SH3PXD2B: variants seen among roughly 807,000 people sequenced by gnomAD.
SH3PXD2B encodes SH3 and PX domain-containing protein 2B.
In SH3PXD2B, 37 loss-of-function variants were observed where a neutral mutation model predicts 73.1. The observed-to-expected ratio is 0.51, with a 90% confidence interval of 0.39 to 0.67. The LOEUF is 0.67. Ranked by LOEUF, SH3PXD2B falls within the 30% of genes least tolerant of loss-of-function variation. The probability of loss-of-function intolerance (pLI) is 0.00; values close to 1 mark genes in which losing one functional copy is unlikely to be tolerated. For synonymous variants in SH3PXD2B, 457 were observed against 480.5 expected, an observed-to-expected ratio of 0.95 and a Z score of 0.64; for missense variants, 1,053 against 1,197.8, an observed-to-expected ratio of 0.88 and a Z score of 1.78.
chr5:172,392,056 T>G (rs1257696469), intron 4 of SH3PXD2B, among the ~76,000 whole-genome samples: 1 of 152,014 alleles, frequency 6.6e-6, no homozygotes. Context: ...TTTTTTTTTT[T>G]GCATATGTAT....
chr5:172,391,232 G>T (rs1166363870), intron 4 of SH3PXD2B, among the ~76,000 whole-genome samples: 1 of 152,062 alleles, frequency 6.6e-6, no homozygotes, highest in Non-Finnish European at 1.5e-5. Flanking sequence ...AACTCTAGTG[G>T]CTGTATAAGT....
intron 1 of SH3PXD2B, among the ~76,000 whole-genome samples, chr5:172,439,013 C>G (rs1357884159): frequency 6.6e-6 from 1 of 150,390 alleles, no homozygotes; most frequent in Admixed American, 6.7e-5. Flanking sequence ...CCAAGGCGGG[C>G]AGATCACCTG....
At chr5:172,348,702 TC>T (rs1757080959) in intron 10 of SH3PXD2B, among the ~76,000 whole-genome samples, 2 of 38,322 alleles carry the variant, frequency 5.2e-5, no homozygotes, top group East Asian at 1.8e-3. Flanking sequence ...TATCTATCTA[TC>T]TATCTATTTA....
chr5:172,347,850 A>G (rs1199071291), intron 10 of SH3PXD2B, among the ~76,000 whole-genome samples: 2 of 152,210 alleles, frequency 1.3e-5, no homozygotes, highest in South Asian at 4.1e-4. Context: ...GTGCTCTAGA[A>G]CAACCCAAAC....
At chr5:172,364,595 G>A (rs533867078) in intron 6 of SH3PXD2B, among the ~76,000 whole-genome samples, 2 of 152,286 alleles carry the variant, frequency 1.3e-5, no homozygotes, top group Non-Finnish European at 1.5e-5. Context: ...AACCCGGGAG[G>A]CAGAGGTTGC....
At chr5:172,378,529 G>A (rs1262717746) in intron 5 of SH3PXD2B, among the ~76,000 whole-genome samples, 1 of 152,202 alleles carries the variant, frequency 6.6e-6, no homozygotes, top group African/African-American at 2.4e-5. Context: ...AAGAAAATCT[G>A]GCTATCATTG....
chr5:172,328,503 TAG>T (rs1193264396), downstream of SH3PXD2B, among the ~76,000 whole-genome samples: 1 of 152,114 alleles, frequency 6.6e-6, no homozygotes, highest in Non-Finnish European at 1.5e-5. Flanking sequence ...CCATCCTCAG[TAG>T]ACAGTTTTTA....
At chr5:172,454,063 G>C (rs1180170571) in intron 1 of SH3PXD2B, among the ~76,000 whole-genome samples, 1 of 143,426 alleles carries the variant, frequency 7.0e-6, no homozygotes, top group Non-Finnish European at 1.5e-5. Context: ...GGGAGGAAGG[G>C]ATGGAGGGGG....
At position 172,358,035 on chromosome 5, in the gene SH3PXD2B, T is replaced by C. The variant is rs544079700; in HGVS notation, c.667+738A>G. On this transcript the variant is annotated intron_variant, in intron 8 of 12. Transcript: ENST00000311601. The stretch of plus-strand genomic sequence containing the variant: ...TTTAATTTTTTCAAAAGTCCTATGA[T>C]ATAGATATCATTGTTTCCATTTTTA... 1.1e-4 allele frequency among the ~76,000 whole-genome samples: 16 copies of C among 152,200 alleles called. No homozygotes were observed. The South Asian group carries it at 2.3e-3, about 22-fold the overall frequency.
In SH3PXD2B at chr5:172,339,300, A is replaced by G. The variant is rs747032111; in HGVS notation, c.1805T>C (p.Val602Ala). 1.5e-5 allele frequency: 25 copies of G among 1,613,854 alleles called. No individual in the cohort carries two copies. Among genetic ancestry groups the G allele is most frequent in the Non-Finnish European group, 2.1e-5 (25 of 1,180,008 alleles). The change falls in exon 13 of 13, where the codon GTC becomes GCC. Residue 602 changes from valine to alanine, a missense_variant. This residue lies in a region of SH3PXD2B where 587 missense variants were observed against 590.7 expected (regional missense o/e 0.99). Transcript: ENST00000311601. The surrounding 1 kb of genome is among the most constrained non-coding windows in gnomAD (Gnocchi z 6.1). ...NDMGLECGHK[V>A]LAKEVKKPNL... ...GGGCTTCTTCACTTCCTTGGCCAAG[A>G]CCTTGTGGCCACACTCCAGCCCCAT... is the stretch of plus-strand genomic sequence containing the variant.
intron 5 of SH3PXD2B, among the ~76,000 whole-genome samples, chr5:172,377,963 T>C (rs1248833728): frequency 6.6e-6 from 1 of 151,806 alleles, no homozygotes; most frequent in African/African-American, 2.4e-5. Flanking sequence ...TGCCCTTGGC[T>C]GGATGCAGCA....
At chr5:172,381,279 AC>A (rs1445744445) in intron 5 of SH3PXD2B, among the ~76,000 whole-genome samples, 1 of 151,998 alleles carries the variant, frequency 6.6e-6, no homozygotes, top group Non-Finnish European at 1.5e-5. Context: ...GCCCAGACGG[AC>A]CCCAAACTCT....
At chr5:172,332,711 C>T (rs1756583507), downstream of SH3PXD2B, among the ~76,000 whole-genome samples, 1 of 152,056 alleles carries the variant, frequency 6.6e-6, no homozygotes, top group Non-Finnish European at 1.5e-5. Context: ...TGTTCGGGGA[C>T]TCTGCTGGTT....
At chr5:172,372,090 C>T (rs1340409431) in intron 6 of SH3PXD2B, among the ~76,000 whole-genome samples, 1 of 152,190 alleles carries the variant, frequency 6.6e-6, no homozygotes, top group Non-Finnish European at 1.5e-5. Context: ...AGGGCCCGTA[C>T]CCAGGGGCAG....
chr5:172,385,179 C>T (rs1207519700), intron 4 of SH3PXD2B, among the ~76,000 whole-genome samples: 2 of 152,134 alleles, frequency 1.3e-5, no homozygotes, highest in East Asian at 1.9e-4. Flanking sequence ...CTCTGAAATC[C>T]TGCAGCCCTT....
At chr5:172,391,980 T>C in intron 4 of SH3PXD2B, among the ~76,000 whole-genome samples, 1 of 152,292 alleles carries the variant, frequency 6.6e-6, no homozygotes, top group Non-Finnish European at 1.5e-5. Context: ...CCACTTTGAG[T>C]TGATTTTCAT....
intron 11 of SH3PXD2B, among the ~76,000 whole-genome samples, chr5:172,346,961 T>C (rs1355984673): frequency 6.6e-6 from 1 of 152,208 alleles, no homozygotes; most frequent in Non-Finnish European, 1.5e-5. Flanking sequence ...ATGATATTTG[T>C]GTCTCATCTC....
Position 172,363,484 on chromosome 5 carries a change from C to T in SH3PXD2B, c.428-615G>A, listed in dbSNP as rs142470471. Among the ~76,000 whole-genome samples, 520 of 152,114 alleles carry T rather than the reference C, an allele frequency of 3.4e-3. 3 individuals are homozygous for T. Among genetic ancestry groups the T allele is most frequent in the African/African-American group, 0.011 (436 of 41,482 alleles). On this transcript the variant is annotated intron_variant, in intron 6 of 12. Transcript: ENST00000311601. The stretch of plus-strand genomic sequence containing the variant: ...TTAATAAGATATAGAATTATGTAAG[C>T]GTTAGTTTATGAAAAATTGATGGAA...
chr5:172,373,554 G>C (rs1757753507), intron 6 of SH3PXD2B, among the ~76,000 whole-genome samples: 1 of 151,312 alleles, frequency 6.6e-6, no homozygotes, highest in Non-Finnish European at 1.5e-5. Context: ...TTGGGAAATG[G>C]GATGGGGTAT....
Sources: gnomAD v4.1 joint callset for allele counts (sites outside exome capture counted in the v4.1 genomes callset) on GRCh38, gnomAD v4.1.1 for gene constraint, gnomAD v4.1.1 regional missense constraint, Gnocchi (gnomAD v3.1) non-coding constraint, MANE v1.5 for transcripts, NCBI Gene and HGNC (gene_info 2026-07-23, HGNC 2026-07-21) for gene names.